ARHGAP42: variants seen among roughly 807,000 people sequenced by gnomAD.
ARHGAP42 encodes rho GTPase-activating protein 42.
Under a neutral mutation model 125.0 loss-of-function variants are expected in ARHGAP42, and 63 were observed. That is an observed-to-expected ratio of 0.50 (90% CI 0.41 to 0.62). The LOEUF (loss-of-function observed/expected upper bound fraction) is 0.62, where lower values mean the gene tolerates loss of function less well. Ranked by LOEUF, ARHGAP42 falls within the 20% of genes least tolerant of loss-of-function variation. ARHGAP42 has a pLI of 0.00. For synonymous variants in ARHGAP42, 339 were observed against 351.0 expected (o/e 0.97, Z 0.38); for missense variants, 766 against 1,024.2 (o/e 0.75, Z 3.44).
At chr11:100,807,221 CTT>C (rs1345369909) in intron 3 of ARHGAP42, among the ~76,000 whole-genome samples, 2 of 141,146 alleles carry the variant, frequency 1.4e-5, no homozygotes, top group Non-Finnish European at 3.1e-5. Context: ...TTGAGACAGA[CTT>C]TTGCTCTTGT....
intron 22 of ARHGAP42, among the ~76,000 whole-genome samples, chr11:100,982,413 C>T (rs1002167769): frequency 6.6e-6 from 1 of 152,156 alleles, no homozygotes; most frequent in Admixed American, 6.5e-5. Flanking sequence ...TCACCCTCCC[C>T]AAGTGATTCT....
intron 1 of ARHGAP42, among the ~76,000 whole-genome samples, chr11:100,721,831 C>T (rs1861763828): frequency 6.6e-6 from 1 of 152,108 alleles, no homozygotes; most frequent in African/African-American, 2.4e-5. Flanking sequence ...CACCAGTTTG[C>T]TTATCCATTC....
chr11:100,965,598 A>G, intron 16 of ARHGAP42, 73 bp from the exon 17 acceptor site: 1 of 1,222,062 alleles, frequency 8.2e-7, no homozygotes, highest in South Asian at 1.3e-5. Flanking sequence ...AATTGTGATT[A>G]GATTACTAAT....
chr11:100,823,625 G>A (rs1864450196), intron 3 of ARHGAP42, among the ~76,000 whole-genome samples: 1 of 152,036 alleles, frequency 6.6e-6, no homozygotes, highest in Non-Finnish European at 1.5e-5. Flanking sequence ...ATTACTAGAG[G>A]GAATATTTTC....
chr11:100,920,365 C>T (rs1453355812), intron 5 of ARHGAP42, among the ~76,000 whole-genome samples: 1 of 152,170 alleles, frequency 6.6e-6, no homozygotes, highest in East Asian at 1.9e-4. Flanking sequence ...TAATTTTTTA[C>T]TCTTCCAAAA....
intron 22 of ARHGAP42, among the ~76,000 whole-genome samples, chr11:100,983,765 T>C (rs1317574938): frequency 1.3e-5 from 2 of 152,176 alleles, no homozygotes; most frequent in Non-Finnish European, 2.9e-5. Context: ...GCATTCAGTA[T>C]TACTTAGATA....
At chr11:100,770,622 G>GA (rs1460217306) in intron 2 of ARHGAP42, among the ~76,000 whole-genome samples, 184 bp downstream of exon 2, 4 of 152,172 alleles carry the variant, frequency 2.6e-5, no homozygotes, top group Non-Finnish European at 2.9e-5. Flanking sequence ...CTGTCACCCA[G>GA]GCTGGAGTGC....
intron 1 of ARHGAP42, among the ~76,000 whole-genome samples, chr11:100,734,780 A>G (rs927060007): frequency 2.0e-5 from 3 of 152,208 alleles, no homozygotes; most frequent in African/African-American, 7.2e-5. Context: ...ACTCACAGAA[A>G]CAGATGTGGT....
chr11:100,895,099 T>C (rs1394766956), intron 4 of ARHGAP42, among the ~76,000 whole-genome samples: 2 of 152,230 alleles, frequency 1.3e-5, no homozygotes, highest in Non-Finnish European at 2.9e-5. Flanking sequence ...CATCGTGCTT[T>C]CTTACATGAT....
intron 4 of ARHGAP42, among the ~76,000 whole-genome samples, chr11:100,903,117 GCACACA>G (rs1555021069): frequency 3.6e-4 from 48 of 132,036 alleles, no homozygotes; most frequent in East Asian, 2.1e-3. Flanking sequence ...TCCAAGATGC[GCACACA>G]CACACACACA....
At position 100,903,742 on chromosome 11, in the gene ARHGAP42, ATATATATATATATG is replaced by A. The variant is rs1318604425; in HGVS notation, c.385-9706_385-9693del. 1.7e-4 allele frequency among the ~76,000 whole-genome samples: 18 copies of A among 106,952 alleles called. No individual in the cohort carries two copies. The South Asian group carries it at 5.3e-3, about 32-fold the overall frequency. 70.2% of individuals were successfully genotyped at this position (106,952 alleles called of 152,430 possible). A position where few individuals can be genotyped will look rare whatever the true frequency, so the allele number is the denominator to read the frequency against. ...TATATATATATATATATATATATAT[ATATATATATATATG>A]TATGTAAAGGAAAGTTTATTAAGTT... On this transcript the variant is annotated intron_variant, in intron 4 of 23. Transcript: ENST00000298815.
intron 1 of ARHGAP42, among the ~76,000 whole-genome samples, chr11:100,759,184 G>T (rs1862644965): frequency 1.3e-5 from 2 of 152,234 alleles, no homozygotes; most frequent in Admixed American, 1.3e-4. Flanking sequence ...TCACCCTGCA[G>T]CTTGCTAACA....
chr11:100,746,727 T>C (rs527640036), intron 1 of ARHGAP42, among the ~76,000 whole-genome samples: 21 of 152,276 alleles, frequency 1.4e-4, no homozygotes, highest in African/African-American at 5.1e-4. Context: ...ACCTATAGGA[T>C]CCTTTCCAGT....
intron 22 of ARHGAP42, among the ~76,000 whole-genome samples, chr11:100,981,936 A>G (rs1337379424): frequency 6.6e-6 from 1 of 152,094 alleles, no homozygotes; most frequent in Non-Finnish European, 1.5e-5. Context: ...TTTTGGCCAT[A>G]GGGTTTGAGG....
At chr11:100,739,240 T>G (rs530502656) in intron 1 of ARHGAP42, among the ~76,000 whole-genome samples, 6 of 151,984 alleles carry the variant, frequency 3.9e-5, no homozygotes, top group Non-Finnish European at 7.4e-5. Flanking sequence ...GATCAAAAAA[T>G]AAGGAACTAT....
In ARHGAP42 at chr11:100,801,350, T is replaced by C. The variant is rs185878597; in HGVS notation, c.312+6184T>C. 9.3e-4 allele frequency among the ~76,000 whole-genome samples: 141 copies of C among 152,096 alleles called. 1 individual carries two copies. Among genetic ancestry groups the C allele is most frequent in the African/African-American group, 3.3e-3 (136 of 41,440 alleles). Reference sequence around the variant, plus strand: ...TTTTTTATTGATAAATCATGAGTATTATATATATATTTGTTAGGTTTGACC... The same window carrying C: ...TTTTTTATTGATAAATCATGAGTATCATATATATATTTGTTAGGTTTGACC... On this transcript the variant is annotated intron_variant, in intron 3 of 23. Coordinates refer to ENST00000298815, the MANE Select transcript of ARHGAP42 (RefSeq NM_152432.4).
intron 4 of ARHGAP42, among the ~76,000 whole-genome samples, chr11:100,900,705 G>C (rs777277087): frequency 5.9e-5 from 9 of 152,196 alleles, no homozygotes; most frequent in Admixed American, 1.3e-4. Context: ...CGAATCGGCT[G>C]TTGAAACTTG....
intron 1 of ARHGAP42, among the ~76,000 whole-genome samples, chr11:100,746,002 G>T (rs1366811792): frequency 6.6e-6 from 1 of 152,256 alleles, no homozygotes; most frequent in East Asian, 1.9e-4. Flanking sequence ...GGCTTCTTTT[G>T]CTTTATGATG....
chr11:100,963,351 G>A (rs1055043650), intron 16 of ARHGAP42, among the ~76,000 whole-genome samples: 5 of 152,314 alleles, frequency 3.3e-5, no homozygotes, highest in Admixed American at 2.0e-4. Context: ...AGTTAGTAAC[G>A]TGTATTTGTA....
Sources: allele counts gnomAD v4.1 joint callset (sites outside exome capture counted in the v4.1 genomes callset), GRCh38; gene constraint gnomAD v4.1.1; transcripts MANE v1.5; gene names NCBI Gene and HGNC (gene_info 2026-07-23, HGNC 2026-07-21).